NEAT1: variants seen among roughly 807,000 people sequenced by gnomAD.
The protein encoded by NEAT1 is nuclear paraspeckle assembly transcript 1, also known as MENepsilon/beta.
At chr11:65,434,907 T>A (rs1233769160) in exon 1 of NEAT1, 1 of 152,254 alleles carries the variant, frequency 6.6e-6, no homozygotes, top group Non-Finnish European at 1.5e-5. Context: ...CAGTAGATTC[T>A]TGTCATCTGT....
At chr11:65,444,683 C>T (rs1433023883) in exon 1 of NEAT1, 9 of 358,994 alleles carry the variant, frequency 2.5e-5, no homozygotes, top group Admixed American at 1.5e-4. Flanking sequence ...GGGCAAGTAC[C>T]GGCTGAGGGT....
chr11:65,433,735 T>C (rs1235770125), exon 1 of NEAT1: 2 of 150,332 alleles, frequency 1.3e-5, no homozygotes, highest in East Asian at 3.9e-4. Flanking sequence ...TGTGTGTGTG[T>C]ATATATATAT....
chr11:65,437,210 T>C (rs1036025172), exon 1 of NEAT1: 11 of 140,112 alleles, frequency 7.9e-5, no homozygotes, highest in Non-Finnish European at 1.4e-4. Flanking sequence ...TATATATATA[T>C]GTATATATAT....
chr11:65,434,164 G>A (rs1443853689), exon 1 of NEAT1: 1 of 152,090 alleles, frequency 6.6e-6, no homozygotes, highest in African/African-American at 2.4e-5. Flanking sequence ...TAGTTTATCA[G>A]TTCTCCCATC....
exon 1 of NEAT1, chr11:65,436,401 A>G (rs1856658311): frequency 6.6e-6 from 1 of 152,210 alleles, no homozygotes; most frequent in African/African-American, 2.4e-5. Context: ...ATGCTTTGCT[A>G]GTTTCCTTCC....
chr11:65,444,806 C>T (rs146313297), exon 1 of NEAT1: 271 of 250,716 alleles, frequency 1.1e-3, no homozygotes, highest in Middle Eastern at 3.0e-3. Context: ...GACTTCATTT[C>T]GAGTGATGGC....
chr11:65,431,444 T>G (rs1856613101), exon 1 of NEAT1: 1 of 152,220 alleles, frequency 6.6e-6, no homozygotes, highest in Admixed American at 6.5e-5. Flanking sequence ...TATTACTAAA[T>G]CTTACGATAT....
At chr11:65,441,137 A>G (rs1031709260) in exon 1 of NEAT1, 2 of 152,136 alleles carry the variant, frequency 1.3e-5, no homozygotes, top group African/African-American at 2.4e-5. Flanking sequence ...GGTTTGTGTG[A>G]AACTGAAATG....
exon 1 of NEAT1, chr11:65,434,998 G>A (rs1174649877): frequency 6.6e-6 from 1 of 152,138 alleles, no homozygotes; most frequent in East Asian, 1.9e-4. Flanking sequence ...ATTTTGTCAA[G>A]GTATAATTTT....
exon 1 of NEAT1, chr11:65,431,770 CGTT>C (rs1203617206): frequency 1.3e-5 from 2 of 152,102 alleles, no homozygotes; most frequent in African/African-American, 2.4e-5. Flanking sequence ...TTAGAGTTAT[CGTT>C]GTTGTTGACT....
At chr11:65,437,942 C>T (rs1856676378) in exon 1 of NEAT1, 2 of 152,168 alleles carry the variant, frequency 1.3e-5, no homozygotes, top group African/African-American at 2.4e-5. Flanking sequence ...CATACAAACC[C>T]AGCTTGCACC....
chr11:65,429,077 A>G (rs1481234407), exon 1 of NEAT1: 3 of 152,186 alleles, frequency 2.0e-5, no homozygotes, highest in Non-Finnish European at 2.9e-5. Context: ...GGCTGTATCA[A>G]TTTAAACAAT....
chr11:65,423,696 C>T (rs1264581258), exon 1 of NEAT1: 1 of 152,316 alleles, frequency 6.6e-6, no homozygotes, highest in African/African-American at 2.4e-5. Flanking sequence ...CACTCCACCC[C>T]TTCTTCCTCC....
chr11:65,425,873 A>G (rs962445067), exon 1 of NEAT1: 4 of 152,188 alleles, frequency 2.6e-5, no homozygotes, highest in African/African-American at 9.7e-5. Context: ...TGTAAAATTA[A>G]TATTTGGTAG....
exon 1 of NEAT1, chr11:65,443,628 G>A (rs997573191): frequency 6.6e-6 from 1 of 152,214 alleles, no homozygotes; most frequent in Non-Finnish European, 1.5e-5. Flanking sequence ...CCAGCATTTT[G>A]TGGTTACGAA....
exon 1 of NEAT1, chr11:65,429,504 G>C (rs1251545356): frequency 6.6e-6 from 1 of 151,200 alleles, no homozygotes. Context: ...GTGCGTGTGT[G>C]TGTGTGTGTG....
exon 1 of NEAT1, chr11:65,437,900 A>G (rs1019880212): frequency 6.6e-6 from 1 of 152,194 alleles, no homozygotes; most frequent in Non-Finnish European, 1.5e-5. Context: ...ATGCTCCCGT[A>G]CACACTGTCT....
At chr11:65,425,163 A>G (rs1231394591) in exon 1 of NEAT1, 1 of 152,214 alleles carries the variant, frequency 6.6e-6, no homozygotes, top group African/African-American at 2.4e-5. Context: ...GAAGTTGCTT[A>G]GAAACTTTCC....
chr11:65,441,584 A>G (rs968814800), exon 1 of NEAT1: 1 of 152,122 alleles, frequency 6.6e-6, no homozygotes, highest in Non-Finnish European at 1.5e-5. Context: ...ATTAGTGTAG[A>G]GTAGCATTTT....
Sources: gnomAD v4.1 joint callset for allele counts on GRCh38, gnomAD v4.1.1 for gene constraint, MANE v1.5 for transcripts, NCBI Gene and HGNC (gene_info 2026-07-23, HGNC 2026-07-21) for gene names.